SLC18A2: variants seen among roughly 807,000 people sequenced by gnomAD.
SLC18A2 encodes the protein solute carrier family 18 member A2, also known as synaptic vesicular amine transporter.
In SLC18A2, 33 loss-of-function variants were observed where a neutral mutation model predicts 59.2. That is an observed-to-expected ratio of 0.56 (90% confidence interval 0.42 to 0.75). SLC18A2 has a LOEUF of 0.75. Ranked by LOEUF, SLC18A2 falls within the 30% of genes least tolerant of loss-of-function variation. The pLI is 0.00. For synonymous variants in SLC18A2, 228 were observed against 253.5 expected (o/e 0.90, Z 0.95); for missense variants, 569 against 668.6 (o/e 0.85, Z 1.64).
intron 2 of SLC18A2, among the ~76,000 whole-genome samples, chr10:117,242,733 G>T (rs1300777206): frequency 6.6e-6 from 1 of 152,046 alleles, no homozygotes; most frequent in Non-Finnish European, 1.5e-5. Context: ...TTTTATTTTG[G>T]TTTTTGTTTG....
intron 3 of SLC18A2, among the ~76,000 whole-genome samples, chr10:117,245,158 G>A (rs940929611): frequency 2.0e-5 from 3 of 152,324 alleles, no homozygotes; most frequent in East Asian, 3.9e-4. Context: ...AGTGCAAGGA[G>A]TGGGAGCTGG....
At position 117,242,447 on chromosome 10, in the gene SLC18A2, A is replaced by AC. The variant is rs1335327276; in HGVS notation, c.121+633_121+634insC. 2.0e-5 allele frequency among the ~76,000 whole-genome samples: 3 copies of AC among 152,182 alleles called. No homozygotes were observed. In the East Asian group the frequency reaches 5.8e-4, roughly 29 times the overall value. ...TTGGCATGCATTTCCTTAAAAAAAA[A>AC]AATCCCAGTTTTTAATGAATGAAAA... On this transcript the variant is annotated intron_variant, in intron 2 of 15. Coordinates refer to ENST00000644641, the MANE Select transcript of SLC18A2 (RefSeq NM_003054.6).
chr10:117,277,238 GT>G lies in SLC18A2; in HGVS notation c.1518del (p.Glu507LysfsTer28). The G allele has an allele frequency of 6.2e-7, 1 of 1,609,578 alleles. No individual in the cohort carries two copies. Among genetic ancestry groups the G allele is most frequent in the Non-Finnish European group, 8.5e-7 (1 of 1,176,716 alleles). Reference protein sequence around the residue: ...TQNNIQSYPIGEDEESESD With the variant: ...TQNNIQSYPIXEDEESESD ...AATAATATCCAGTCATATCCGATAGGTGAAGATGAAGAATCTGAAAGTGACT... is the reference window on the plus strand; with the variant it reads ...AATAATATCCAGTCATATCCGATAGGGAAGATGAAGAATCTGAAAGTGACT... On this transcript the variant is annotated frameshift_variant, in exon 16 of 16. Transcript: ENST00000644641. LOFTEE classifies it high-confidence loss of function.
intron 9 of SLC18A2, among the ~76,000 whole-genome samples, chr10:117,257,073 C>T (rs1249967289): frequency 6.6e-6 from 1 of 152,166 alleles, no homozygotes; most frequent in Non-Finnish European, 1.5e-5. Flanking sequence ...AATGAACAGA[C>T]CTTTCTTCAC....
chr10:117,265,202 C>G (rs1844335505), intron 10 of SLC18A2, among the ~76,000 whole-genome samples: 1 of 152,176 alleles, frequency 6.6e-6, no homozygotes, highest in Non-Finnish European at 1.5e-5. Flanking sequence ...CTAGAATGAT[C>G]TGGTTTTGGA....
rs1219094948 is a variant in SLC18A2 at position 117,269,274 on chromosome 10, AAC to A, written c.1187-793_1187-792del. On this transcript the variant is annotated intron_variant, in intron 13 of 15. Transcript: ENST00000644641. The surrounding 1 kb of genome is among the most constrained non-coding windows in gnomAD (Gnocchi z 5.1). ...ATATACACAGACACATACACATGCAAACACATGTACACACATATATACACATA... is the reference window on the plus strand; with the variant it reads ...ATATACACAGACACATACACATGCAAACATGTACACACATATATACACATA... Among the ~76,000 whole-genome samples, 15 of 152,064 alleles carry A rather than the reference AAC, an allele frequency of 9.9e-5. No homozygotes were observed. Among genetic ancestry groups the A allele is most frequent in the South Asian group, 2.1e-4 (1 of 4,826 alleles).
chr10:117,244,207 G>A lies in SLC18A2; in HGVS notation c.358G>A (p.Glu120Lys), dbSNP rs376287747. 3 of 1,614,116 alleles carry A rather than the reference G, an allele frequency of 1.9e-6. No individual in the cohort carries two copies. The African/African-American group carries it at 4.0e-5, about 22-fold the overall frequency. ...CGCTGTTCCTTCCGACTGTCCCAGT[G>A]AAGACAAAGACCTCCTGAATGAAAA... ...ASAVPSDCPS[E>K]DKDLLNENVQ... The change falls in exon 3 of 16, where the codon GAA (glutamate) becomes AAA (lysine). Residue 120 changes from glutamate (E) to lysine (K), a missense_variant. Glu to Lys is a moderately conservative substitution (Grantham distance 56, BLOSUM62 1). Coordinates refer to ENST00000644641, the MANE Select transcript of SLC18A2 (RefSeq NM_003054.6).
At chr10:117,255,407 T>A (rs1470618754) in intron 7 of SLC18A2, 41 bp downstream of exon 7, 1 of 1,613,782 alleles carries the variant, frequency 6.2e-7, no homozygotes, top group African/African-American at 1.3e-5. Flanking sequence ...GACCTTGGCA[T>A]CGTGCTGGCA....
At chr10:117,265,158 T>A (rs1844334947) in intron 10 of SLC18A2, among the ~76,000 whole-genome samples, 1 of 152,222 alleles carries the variant, frequency 6.6e-6, no homozygotes, top group Non-Finnish European at 1.5e-5. Flanking sequence ...GAAATGAGAT[T>A]GCTCTTTATT....
intron 5 of SLC18A2, 22 bp from the exon 6 acceptor site, chr10:117,254,383 G>A: frequency 6.5e-7 from 1 of 1,549,596 alleles, no homozygotes; most frequent in Non-Finnish European, 8.7e-7. Context: ...CTGGCCTGTT[G>A]ACTATTTCTT....
Position 117,266,733 on chromosome 10 carries a change from G to A in SLC18A2, c.992G>A (p.Gly331Asp). Residue 331 changes from glycine (G) to aspartate (D), a missense_variant and splice_region_variant, in exon 11 of 16, where the codon GGC (glycine) becomes GAC (aspartate). Transcript: ENST00000644641. ...ETMCSRKWQL[G>D]VAFLPASISY... ...AGGTCTCCTTTTCATAAATTTACAG[G>A]CGTTGCCTTCTTGCCAGCTAGTATC... is the stretch of plus-strand genomic sequence containing the variant. 1 of 1,611,994 alleles carries A rather than the reference G, an allele frequency of 6.2e-7. No homozygotes were observed. The highest frequency in any genetic ancestry group is 1.1e-5 in the South Asian group (1 of 90,642).
chr10:117,252,167 A>G lies in SLC18A2; in HGVS notation c.465-1232A>G, dbSNP rs556277463. ...TTTTTTTTTTTTTTTTTTTTTTAGT[A>G]CAGACAGGGTTTTGCCATGTTGCCC... is the stretch of plus-strand genomic sequence containing the variant. On this transcript the variant is annotated intron_variant, in intron 3 of 15. Transcript: ENST00000644641. Among the ~76,000 whole-genome samples the G allele has an allele frequency of 5.9e-5, 6 of 101,332 alleles. No homozygotes were observed. In the East Asian group the frequency reaches 1.8e-3, roughly 30 times the overall value. 66.5% of individuals were successfully genotyped at this position (101,332 alleles called of 152,430 possible). A position where few individuals can be genotyped will look rare whatever the true frequency, so the allele number is the denominator to read the frequency against.
At chr10:117,259,801 G>A (rs1844273949) in intron 10 of SLC18A2, among the ~76,000 whole-genome samples, 5 of 152,108 alleles carry the variant, frequency 3.3e-5, no homozygotes, top group Admixed American at 1.3e-4. Flanking sequence ...GATTTGCAGT[G>A]GGCTCTGTTT....
At chr10:117,268,482 A>G (rs553900490) in intron 13 of SLC18A2, 1 of 152,400 alleles carries the variant, frequency 6.6e-6, no homozygotes, top group East Asian at 1.9e-4. Context: ...CTTGTCCTCC[A>G]CTGTCTGGTT....
chr10:117,278,502 G>A lies in SLC18A2; in HGVS notation c.*1236G>A, dbSNP rs975822985. On this transcript the variant is annotated 3_prime_UTR_variant, in exon 16 of 16. Transcript: ENST00000644641. ...CCTTTTCAGTGTAACAGCAAATACT[G>A]TTAGTGAACATTGTCAATTTATGTC... 1.3e-5 allele frequency: 2 copies of A among 152,178 alleles called. No homozygotes were observed. Among genetic ancestry groups the A allele is most frequent in the Non-Finnish European group, 2.9e-5 (2 of 68,034 alleles). 9.4% of individuals were successfully genotyped at this position (152,178 alleles called of 1,614,324 possible).
rs1465032922 is a variant in SLC18A2 at position 117,244,079 on chromosome 10, G to A, written c.230G>A (p.Ser77Asn). The change falls in exon 3 of 16, where the codon AGC becomes AAC. Residue 77 changes from serine (S) to asparagine (N), a missense_variant. Around this residue, in one of 2 missense-constraint regions of SLC18A2, gnomAD observed 377 missense variants for 389.8 expected, o/e 0.97. Coordinates refer to ENST00000644641, the MANE Select transcript of SLC18A2 (RefSeq NM_003054.6). Reference protein sequence around the residue: ...HTASISDSFQSIFSYYDNSTM... With the variant: ...HTASISDSFQNIFSYYDNSTM... ...GCCTCCATCTCAGACAGCTTCCAGA[G>A]CATCTTCTCCTATTATGATAACTCG... 1.2e-6 allele frequency: 2 copies of A among 1,614,052 alleles called. No individual in the cohort carries two copies. The highest frequency in any genetic ancestry group is 2.2e-5 in the East Asian group (1 of 44,896).
intron 10 of SLC18A2, among the ~76,000 whole-genome samples, chr10:117,265,807 A>T (rs965207312): frequency 1.3e-5 from 2 of 152,166 alleles, no homozygotes; most frequent in Admixed American, 6.5e-5. Context: ...CTTGGATAGG[A>T]GGCCGGACGT....
Position 117,279,366 on chromosome 10 carries a change from G to A in SLC18A2, c.*2100G>A, listed in dbSNP as rs1171531509. 6.6e-6 allele frequency: 1 copy of A among 152,142 alleles called. No individual in the cohort carries two copies. Among genetic ancestry groups the A allele is most frequent in the Non-Finnish European group, 1.5e-5 (1 of 68,024 alleles). 9.4% of individuals were successfully genotyped at this position (152,142 alleles called of 1,614,324 possible). On this transcript the variant is annotated 3_prime_UTR_variant, in exon 16 of 16. Transcript: ENST00000644641. ...ATGAGGTAGCAATGAATATTCAACT[G>A]TTTGACTGCTAAGTGTATCTGTCCA...
rs142746236 is a variant in SLC18A2, at chr10:117,254,923, C to T, written c.701-354C>T. Among the ~76,000 whole-genome samples the T allele has an allele frequency of 3.0e-3, 452 of 152,366 alleles. 5 individuals carry two copies. The highest frequency in any genetic ancestry group is 0.01 in the African/African-American group (436 of 41,584). Reference sequence around the variant, plus strand: ...CCTTTTCCTTCCTCTTCCGATTTCCCGCCTGCTTCCAGGAGCCTGCAGCCT... The same window carrying T: ...CCTTTTCCTTCCTCTTCCGATTTCCTGCCTGCTTCCAGGAGCCTGCAGCCT... On this transcript the variant is annotated intron_variant, in intron 6 of 15. Transcript: ENST00000644641.
Sources: gnomAD v4.1 joint callset for allele counts (sites outside exome capture counted in the v4.1 genomes callset) on GRCh38, gnomAD v4.1.1 for gene constraint, gnomAD v4.1.1 regional missense constraint, Gnocchi (gnomAD v3.1) non-coding constraint, MANE v1.5 for transcripts, NCBI Gene and HGNC (gene_info 2026-07-23, HGNC 2026-07-21) for gene names.